PTPRK: variants seen among roughly 807,000 people sequenced by gnomAD.
PTPRK encodes protein tyrosine phosphatase receptor type K, also known as receptor-type tyrosine-protein phosphatase kappa.
A neutral mutation model predicts 178.0 loss-of-function variants in PTPRK; 75 were observed. The ratio of observed to expected loss-of-function variants is 0.42; its 90% CI spans 0.35 to 0.51. The LOEUF (loss-of-function observed/expected upper bound fraction) is 0.51. Among genes scored for constraint, PTPRK ranks in the 20% least tolerant of loss-of-function variants. PTPRK has a pLI of 0.02. For synonymous variants in PTPRK, 637 were observed against 620.6 expected (o/e 1.03, Z -0.39); for missense variants, 1,441 against 1,797.8 (o/e 0.80, Z 3.59).
intron 7 of PTPRK, among the ~76,000 whole-genome samples, chr6:128,093,932 T>C (rs556242657): frequency 3.3e-5 from 5 of 152,226 alleles, no homozygotes; most frequent in African/African-American, 1.2e-4. Flanking sequence ...AAAAATGCTA[T>C]AGGAATTCAA....
At chr6:128,296,852 A>G (rs1824509813) in intron 3 of PTPRK, among the ~76,000 whole-genome samples, 1 of 152,198 alleles carries the variant, frequency 6.6e-6, no homozygotes. Flanking sequence ...TCATAATGAC[A>G]GGATCAAATT....
At chr6:128,365,579 A>G (rs1041553810) in intron 2 of PTPRK, among the ~76,000 whole-genome samples, 2 of 152,116 alleles carry the variant, frequency 1.3e-5, no homozygotes, top group Non-Finnish European at 2.9e-5. Context: ...ACATGCTATA[A>G]GTTCCTCAAT....
intron 1 of PTPRK, chr6:128,472,613 T>C (rs1179800035): frequency 3.3e-5 from 8 of 240,406 alleles, no homozygotes; most frequent in Non-Finnish European, 5.6e-5. Context: ...ATTTATTATA[T>C]ATAATTCTAC....
At chr6:128,268,599 T>G (rs1282181214) in intron 3 of PTPRK, among the ~76,000 whole-genome samples, 1 of 151,992 alleles carries the variant, frequency 6.6e-6, no homozygotes, top group Non-Finnish European at 1.5e-5. Flanking sequence ...CAACAAAAAG[T>G]CATTATTCTG....
At chr6:128,396,862 G>A (rs1840376422) in intron 2 of PTPRK, among the ~76,000 whole-genome samples, 1 of 152,074 alleles carries the variant, frequency 6.6e-6, no homozygotes, top group Non-Finnish European at 1.5e-5. Context: ...GCTGGGCGTG[G>A]CAGTGCACGC....
At chr6:127,972,970 A>T (rs1774106994) in intron 29 of PTPRK, 52 bp downstream of exon 29, 2 of 1,555,816 alleles carry the variant, frequency 1.3e-6, no homozygotes, top group South Asian at 2.2e-5. Context: ...AAGTAGGTAT[A>T]TGACTAACTA....
intron 1 of PTPRK, among the ~76,000 whole-genome samples, chr6:128,518,232 T>A (rs1858384021): frequency 6.6e-6 from 1 of 152,178 alleles, no homozygotes; most frequent in South Asian, 2.1e-4. Flanking sequence ...CAACATCATG[T>A]CAAATGTTAT....
At chr6:128,456,209 CAACA>C (rs920964521) in intron 1 of PTPRK, among the ~76,000 whole-genome samples, 17 of 151,862 alleles carry the variant, frequency 1.1e-4, no homozygotes, top group Admixed American at 8.6e-4. Flanking sequence ...CAAGATTTTT[CAACA>C]AACAGACTTA....
intron 13 of PTPRK, among the ~76,000 whole-genome samples, chr6:128,023,732 C>T (rs1275685390): frequency 2.6e-5 from 4 of 152,140 alleles, no homozygotes; most frequent in Non-Finnish European, 5.9e-5. Flanking sequence ...TGGCTCAGTG[C>T]AGCCTCACCC....
At chr6:128,147,725 A>T (rs1796691540) in intron 7 of PTPRK, among the ~76,000 whole-genome samples, 1 of 152,160 alleles carries the variant, frequency 6.6e-6, no homozygotes, top group African/African-American at 2.4e-5. Context: ...TCAACAATAG[A>T]TCATACGAAA....
At chr6:128,324,981 A>G (rs1829347361) in intron 2 of PTPRK, among the ~76,000 whole-genome samples, 1 of 152,192 alleles carries the variant, frequency 6.6e-6, no homozygotes, top group African/African-American at 2.4e-5. Flanking sequence ...TTATGTTATA[A>G]TTTAAGCTTA....
At chr6:128,082,392 C>T in intron 10 of PTPRK, 45 bp downstream of exon 10, 1 of 1,515,428 alleles carries the variant, frequency 6.6e-7, no homozygotes. Context: ...CCATTACAAA[C>T]CAATGGCATA....
chr6:128,316,133 C>T (rs190544619), intron 3 of PTPRK, among the ~76,000 whole-genome samples: 3 of 152,260 alleles, frequency 2.0e-5, no homozygotes, highest in South Asian at 2.1e-4. Flanking sequence ...ATTTATCTGC[C>T]TGATCAATGT....
chr6:128,353,694 AATG>A (rs1833509916), intron 2 of PTPRK, among the ~76,000 whole-genome samples: 1 of 152,202 alleles, frequency 6.6e-6, no homozygotes, highest in Non-Finnish European at 1.5e-5. Context: ...ACAGAGGAGT[AATG>A]ATGAGTGGTT....
chr6:128,114,978 G>T (rs920287561), intron 7 of PTPRK, among the ~76,000 whole-genome samples: 1 of 149,102 alleles, frequency 6.7e-6, no homozygotes, highest in African/African-American at 2.5e-5. Context: ...CTTATTCTGC[G>T]ATTAAAAAAA....
chr6:128,481,247 T>C (rs544649697), intron 1 of PTPRK, among the ~76,000 whole-genome samples: 51 of 152,292 alleles, frequency 3.3e-4, no homozygotes, highest in African/African-American at 1.2e-3. Context: ...TAACATGAAA[T>C]ATGTGGCCAA....
chr6:128,168,277 G>T (rs553864212), intron 7 of PTPRK, among the ~76,000 whole-genome samples: 1 of 152,202 alleles, frequency 6.6e-6, no homozygotes, highest in African/African-American at 2.4e-5. Context: ...CCTAAGTGTT[G>T]GTGAGGTGGT....
At chr6:128,020,295 C>A (rs1773301189) in intron 13 of PTPRK, among the ~76,000 whole-genome samples, 1 of 152,002 alleles carries the variant, frequency 6.6e-6, no homozygotes, top group African/African-American at 2.4e-5. Context: ...GAAGTACAAA[C>A]AAACAGTGCG....
chr6:128,433,105 T>C (rs1439723038), intron 1 of PTPRK, among the ~76,000 whole-genome samples: 3 of 152,236 alleles, frequency 2.0e-5, no homozygotes, highest in Non-Finnish European at 4.4e-5. Context: ...ATATTTATCA[T>C]TTATTTGTGC....
Sources: gnomAD v4.1 joint callset for allele counts (sites outside exome capture counted in the v4.1 genomes callset) on GRCh38, gnomAD v4.1.1 for gene constraint, MANE v1.5 for transcripts, NCBI Gene and HGNC (gene_info 2026-07-23, HGNC 2026-07-21) for gene names.